NUBPL: variants seen among roughly 807,000 people sequenced by gnomAD.
NUBPL encodes NUBP iron-sulfur cluster assembly factor, mitochondrial.
NUBPL carries 31 observed loss-of-function variants against 45.7 expected under a neutral mutation model. The observed-to-expected ratio is 0.68, with a 90% CI of 0.51 to 0.92. NUBPL has a LOEUF of 0.92. NUBPL is among the 40% of genes least tolerant of loss of function. The pLI is 0.00. For missense variants in NUBPL, 401 were observed against 398.7 expected, an observed-to-expected ratio of 1.01 and a Z score of -0.05; for synonymous variants, 144 against 140.9, an observed-to-expected ratio of 1.02 and a Z score of -0.15.
intron 6 of NUBPL, among the ~76,000 whole-genome samples, chr14:31,746,088 G>A (rs2038394054): frequency 6.6e-6 from 1 of 152,036 alleles, no homozygotes; most frequent in Admixed American, 6.5e-5. Context: ...AAGCTCTGCA[G>A]AGTTAAGGGT....
intron 10 of NUBPL, 90 bp downstream of exon 10, chr14:31,850,291 T>A: frequency 7.7e-6 from 7 of 907,444 alleles, no homozygotes; most frequent in African/African-American, 1.6e-5. Flanking sequence ...GCGTTTATAT[T>A]TGCAGTGCAT....
intron 8 of NUBPL, among the ~76,000 whole-genome samples, chr14:31,838,663 A>T (rs745619773): frequency 6.6e-6 from 1 of 152,032 alleles, no homozygotes; most frequent in East Asian, 1.9e-4. Context: ...CATTTTGGTG[A>T]CTCCATTTTG....
chr14:31,713,471 G>T (rs1322917421), intron 6 of NUBPL, among the ~76,000 whole-genome samples: 1 of 151,818 alleles, frequency 6.6e-6, no homozygotes, highest in Non-Finnish European at 1.5e-5. Context: ...CCTTTCAGTT[G>T]TGCCACAAAC....
At chr14:31,681,866 A>G (rs908488944) in intron 6 of NUBPL, among the ~76,000 whole-genome samples, 10 of 152,106 alleles carry the variant, frequency 6.6e-5, no homozygotes, top group African/African-American at 2.4e-4. Flanking sequence ...TTTCTAGTGT[A>G]ATTTTGTTTT....
chr14:31,590,529 A>G (rs998683974), intron 3 of NUBPL, among the ~76,000 whole-genome samples: 12 of 152,190 alleles, frequency 7.9e-5, no homozygotes, highest in Admixed American at 7.9e-4. Context: ...ATCTGATCTT[A>G]TAATTGCTTT....
At chr14:31,852,393 C>G (rs1041754835) in intron 10 of NUBPL, among the ~76,000 whole-genome samples, 1 of 152,168 alleles carries the variant, frequency 6.6e-6, no homozygotes, top group African/African-American at 2.4e-5. Flanking sequence ...TCAAAGTAGG[C>G]CCGGCACGGT....
At chr14:31,606,735 C>G (rs2034610948) in intron 4 of NUBPL, among the ~76,000 whole-genome samples, 1 of 152,122 alleles carries the variant, frequency 6.6e-6, no homozygotes, top group Non-Finnish European at 1.5e-5. Flanking sequence ...GATATGTGGA[C>G]TGCAGGAGGC....
intron 6 of NUBPL, among the ~76,000 whole-genome samples, chr14:31,772,537 A>C (rs1018278084): frequency 7.9e-5 from 12 of 152,160 alleles, no homozygotes; most frequent in African/African-American, 2.9e-4. Context: ...TACTATTTCA[A>C]CTGTACTGTG....
In NUBPL at chr14:31,581,202, CTTTTTTTT is replaced by C. The variant is rs751566032; in HGVS notation, c.291+16166_291+16173del. ...TGGATGGTGAAGGAAAGAGATGGTT[CTTTTTTTT>C]TTTTTTTTTTTGGTATGGTAAAATA... is the stretch of plus-strand genomic sequence containing the variant. On this transcript the variant is annotated intron_variant, in intron 3 of 10. Transcript: ENST00000281081. 3.9e-5 allele frequency among the ~76,000 whole-genome samples: 4 copies of C among 103,324 alleles called. No homozygotes were observed. In the South Asian group the frequency reaches 1.0e-3, roughly 26 times the overall value. 67.8% of individuals were successfully genotyped at this position (103,324 alleles called of 152,430 possible). A position where few individuals can be genotyped will look rare whatever the true frequency, so the allele number is the denominator to read the frequency against.
At chr14:31,755,549 G>GTT (rs753264597) in intron 6 of NUBPL, among the ~76,000 whole-genome samples, 19 of 151,790 alleles carry the variant, frequency 1.3e-4, no homozygotes, top group African/African-American at 4.6e-4. Flanking sequence ...GGAGTTGTTT[G>GTT]TTTTTTTCTT....
intron 7 of NUBPL, among the ~76,000 whole-genome samples, chr14:31,795,223 TTGATTCCATA>T: frequency 6.6e-6 from 1 of 151,418 alleles, no homozygotes; most frequent in South Asian, 2.1e-4. Context: ...AGGCTCTTTT[TTGATTCCATA>T]TGAACTTTAA....
intron 10 of NUBPL, among the ~76,000 whole-genome samples, chr14:31,857,900 C>T (rs1243252179): frequency 1.3e-5 from 2 of 152,198 alleles, no homozygotes; most frequent in Non-Finnish European, 1.5e-5. Flanking sequence ...CTGCCTGTTA[C>T]CCAGTTCCAA....
At position 31,758,294 on chromosome 14, in the gene NUBPL, C is replaced by T. The variant is rs1488375143; in HGVS notation, c.514-29486C>T. On this transcript the variant is annotated intron_variant, in intron 6 of 10. Coordinates refer to ENST00000281081, the MANE Select transcript of NUBPL (RefSeq NM_025152.3). ...TTCATAAAGCTGTTTAATTATAAGA[C>T]ATGATTAATCTTTTAATATATAACA... 2.6e-5 allele frequency among the ~76,000 whole-genome samples: 4 copies of T among 152,234 alleles called. No homozygotes were observed. In the South Asian group the frequency reaches 6.2e-4, roughly 24 times the overall value.
intron 6 of NUBPL, among the ~76,000 whole-genome samples, chr14:31,764,472 C>G (rs1303125909): frequency 6.6e-6 from 1 of 152,150 alleles, no homozygotes; most frequent in Non-Finnish European, 1.5e-5. Context: ...ATTTCTGAGT[C>G]ATGACTGAAC....
intron 8 of NUBPL, among the ~76,000 whole-genome samples, chr14:31,842,636 C>A (rs1035113220): frequency 6.6e-6 from 1 of 152,084 alleles, no homozygotes; most frequent in Non-Finnish European, 1.5e-5. Flanking sequence ...TGATACCACA[C>A]CTGACTAATT....
chr14:31,817,927 A>C (rs977524326), intron 7 of NUBPL, among the ~76,000 whole-genome samples: 5 of 152,190 alleles, frequency 3.3e-5, no homozygotes, highest in African/African-American at 1.2e-4. Context: ...TTTCATGTGC[A>C]AAGACACACA....
chr14:31,602,612 T>C (rs546631227), intron 4 of NUBPL, among the ~76,000 whole-genome samples: 1 of 152,270 alleles, frequency 6.6e-6, no homozygotes, highest in South Asian at 2.1e-4. Context: ...TTGAGTAAAT[T>C]GTTTTAATCT....
At chr14:31,830,645 T>G (rs185515331) in intron 8 of NUBPL, among the ~76,000 whole-genome samples, 2 of 152,378 alleles carry the variant, frequency 1.3e-5, no homozygotes, top group African/African-American at 4.8e-5. Flanking sequence ...AGTTTGGTTC[T>G]TATTCCACTG....
intron 6 of NUBPL, among the ~76,000 whole-genome samples, chr14:31,754,786 T>G (rs1566543362): frequency 6.6e-6 from 1 of 150,464 alleles, no homozygotes; most frequent in African/African-American, 2.4e-5. Context: ...CCATGTTGGT[T>G]TGCTGCACCC....
Sources: allele counts gnomAD v4.1 joint callset (sites outside exome capture counted in the v4.1 genomes callset), GRCh38; gene constraint gnomAD v4.1.1; transcripts MANE v1.5; gene names NCBI Gene and HGNC (gene_info 2026-07-23, HGNC 2026-07-21).